The following ATL3 variants were observed in gnomAD, a reference collection of about 807,000 sequenced individuals.
ATL3 encodes the protein atlastin GTPase 3.
ATL3 carries 49 observed loss-of-function variants against 69.5 expected under a neutral mutation model. The observed-to-expected ratio is 0.71, with a 90% CI of 0.56 to 0.89. ATL3 has a LOEUF of 0.89. Ranked by LOEUF, ATL3 falls within the 40% of genes least tolerant of loss-of-function variation. ATL3 has a pLI of 0.00. For missense variants in ATL3, 606 were observed against 645.7 expected, an observed-to-expected ratio of 0.94 and a Z score of 0.67; for synonymous variants, 214 against 224.1, an observed-to-expected ratio of 0.95 and a Z score of 0.40.
chr11:63,629,431 A>G lies in ATL3; in HGVS notation c.1540-26T>C, dbSNP rs113548189. The G allele has an allele frequency of 2.8e-3, 4,453 of 1,583,380 alleles. 107 individuals are homozygous for G. The African/African-American group carries it at 0.052, about 18-fold the overall frequency. On this transcript the variant is annotated intron_variant, in intron 12 of 12. Transcript: ENST00000398868. ...CTGCAAAAGTCCATTTATTCAACAT[A>G]TAAGTTAATAAAATACAACACAGCA...
intron 8 of ATL3, among the ~76,000 whole-genome samples, chr11:63,638,708 C>G (rs974084546): frequency 3.3e-5 from 5 of 150,308 alleles, no homozygotes; most frequent in Admixed American, 6.6e-5. Flanking sequence ...AAGACTTTGT[C>G]TCAAAAAACA....
At position 63,631,329 on chromosome 11, in the gene ATL3, AG is replaced by A; in HGVS notation, c.1249del (p.Leu417TrpfsTer36). ...ATATAATTCCTTGATTTCCTCCTCC[AG>A]CTCCTGCTGGTAACGAAAGCTGAAA... is the stretch of plus-strand genomic sequence containing the variant. The part of the protein sequence containing the change: ...KDFSFRYQQE[L>X]EEEIKELYEN... On this transcript the variant is annotated frameshift_variant, in exon 12 of 13. Transcript: ENST00000398868. LOFTEE classifies it high-confidence loss of function. 6.2e-7 allele frequency: 1 copy of A among 1,614,222 alleles called. No individual in the cohort carries two copies.
chr11:63,645,562 G>C (rs1939845575), intron 6 of ATL3, among the ~76,000 whole-genome samples: 1 of 151,766 alleles, frequency 6.6e-6, no homozygotes, highest in Non-Finnish European at 1.5e-5. Flanking sequence ...GAGAGAGAGA[G>C]ACAGAGAGAG....
intron 5 of ATL3, among the ~76,000 whole-genome samples, chr11:63,648,809 T>TG (rs1939974429): frequency 7.7e-6 from 1 of 130,146 alleles, no homozygotes; most frequent in African/African-American, 2.9e-5. Context: ...ACTCTGTCTC[T>TG]AAAAAAAAAA....
chr11:63,659,984 C>G (rs547863221), intron 1 of ATL3, among the ~76,000 whole-genome samples: 1 of 151,418 alleles, frequency 6.6e-6, no homozygotes, highest in Admixed American at 6.6e-5. Context: ...ACATATGTAA[C>G]TAACCTGCAC....
At chr11:63,667,400 G>C (rs1345044124) in intron 1 of ATL3, among the ~76,000 whole-genome samples, 1 of 151,072 alleles carries the variant, frequency 6.6e-6, no homozygotes, top group Non-Finnish European at 1.5e-5. Flanking sequence ...CGTCATTCCT[G>C]CTCACTGCAA....
intron 3 of ATL3, 117 bp from the exon 4 acceptor site, chr11:63,652,692 C>T: frequency 1.7e-6 from 1 of 602,164 alleles, no homozygotes; most frequent in Non-Finnish European, 2.8e-6. Context: ...TTATGTGAGC[C>T]TTAAGCACCT....
intron 3 of ATL3, among the ~76,000 whole-genome samples, chr11:63,657,093 C>T (rs1014765212): frequency 6.6e-6 from 1 of 151,668 alleles, no homozygotes; most frequent in Admixed American, 6.6e-5. Context: ...ACCTGTACTC[C>T]CAGCTAATGA....
intron 6 of ATL3, among the ~76,000 whole-genome samples, chr11:63,645,412 T>A (rs922984293): frequency 3.3e-5 from 5 of 150,472 alleles, no homozygotes; most frequent in South Asian, 2.1e-4. Context: ...AAAAAAAAAA[T>A]AAATTAGAAA....
At chr11:63,650,262 A>C (rs544196871) in intron 5 of ATL3, among the ~76,000 whole-genome samples, 1 of 152,294 alleles carries the variant, frequency 6.6e-6, no homozygotes, top group Admixed American at 6.5e-5. Flanking sequence ...GGAAGAAACA[A>C]GGCATATTTC....
intron 1 of ATL3, among the ~76,000 whole-genome samples, chr11:63,660,004 A>G (rs1166099335): frequency 6.6e-6 from 1 of 151,948 alleles, no homozygotes; most frequent in Non-Finnish European, 1.5e-5. Flanking sequence ...CATTGTGCAC[A>G]TGTACCCTAA....
At chr11:63,642,460 A>T (rs994176720) in intron 8 of ATL3, among the ~76,000 whole-genome samples, 1 of 152,222 alleles carries the variant, frequency 6.6e-6, no homozygotes, top group Non-Finnish European at 1.5e-5. Context: ...CATTCACTTC[A>T]AAACCTTTTA....
intron 1 of ATL3, among the ~76,000 whole-genome samples, chr11:63,665,360 AAAAG>A (rs1355392622): frequency 1.3e-5 from 2 of 151,946 alleles, no homozygotes; most frequent in Non-Finnish European, 2.9e-5. Flanking sequence ...AAAAAAAAAA[AAAAG>A]AAGAATGTAT....
intron 8 of ATL3, chr11:63,637,566 G>C (rs1386130696): frequency 6.6e-6 from 1 of 152,126 alleles, no homozygotes; most frequent in Non-Finnish European, 1.5e-5. Flanking sequence ...GCTTCTACAA[G>C]GTTCCCACAG....
chr11:63,664,334 T>C (rs1476337098), intron 1 of ATL3, among the ~76,000 whole-genome samples: 1 of 151,980 alleles, frequency 6.6e-6, no homozygotes, highest in Non-Finnish European at 1.5e-5. Flanking sequence ...AGGTCAGGAG[T>C]TCGAGACCAC....
chr11:63,668,789 CCTTTT>C (rs1940670710), intron 1 of ATL3, among the ~76,000 whole-genome samples: 1 of 103,246 alleles, frequency 9.7e-6, no homozygotes, highest in Admixed American at 9.9e-5. Context: ...TAGCTGTGTT[CCTTTT>C]TTTTTTTTTT....
intron 3 of ATL3, among the ~76,000 whole-genome samples, chr11:63,656,868 CAG>C (rs112420429): frequency 1.3e-5 from 2 of 152,022 alleles, no homozygotes; most frequent in Admixed American, 6.6e-5. Context: ...AAAGATTTTT[CAG>C]ATGTATGAAA....
intron 8 of ATL3, among the ~76,000 whole-genome samples, chr11:63,636,654 T>G (rs1590722092): frequency 6.6e-6 from 1 of 151,344 alleles, no homozygotes; most frequent in East Asian, 2.0e-4. Flanking sequence ...CAGGAGAATC[T>G]CTTGAACCCA....
chr11:63,630,050 T>A (rs918643924), intron 12 of ATL3, among the ~76,000 whole-genome samples: 1 of 152,088 alleles, frequency 6.6e-6, no homozygotes, highest in African/African-American at 2.4e-5. Context: ...TGCTTTTCAA[T>A]GAAGTAAATT....
Sources: gnomAD v4.1 joint callset for allele counts (sites outside exome capture counted in the v4.1 genomes callset) on GRCh38, gnomAD v4.1.1 for gene constraint, MANE v1.5 for transcripts, NCBI Gene and HGNC (gene_info 2026-07-23, HGNC 2026-07-21) for gene names.